Variants in TNN observed in about 807,000 individuals in gnomAD.
The protein encoded by TNN is tenascin N, also known as tenascin-N.
A neutral mutation model predicts 134.4 loss-of-function variants in TNN; 122 were observed. That is an observed-to-expected ratio of 0.91 (90% CI 0.78 to 1.06). The LOEUF is 1.06. Among genes scored for constraint, TNN ranks in the 50% least tolerant of loss-of-function variants. The pLI is 0.00. For synonymous variants in TNN, 710 were observed against 670.3 expected, an observed-to-expected ratio of 1.06 and a Z score of -0.91; for missense variants, 1,739 against 1,699.4, an observed-to-expected ratio of 1.02 and a Z score of -0.41.
chr1:175,111,778 ATT>A (rs202241032), intron 9 of TNN, among the ~76,000 whole-genome samples: 2 of 148,188 alleles, frequency 1.3e-5, no homozygotes, highest in Non-Finnish European at 3.0e-5. Context: ...TGCTTCCTTG[ATT>A]TTTTTTTTTA....
chr1:175,077,943 T>C, intron 2 of TNN, 116 bp downstream of exon 2: 1 of 1,087,870 alleles, frequency 9.2e-7, no homozygotes, highest in Non-Finnish European at 1.3e-6. Context: ...TACTTCTCAT[T>C]CTGGGTTTTC....
rs1224971860 is a variant in TNN, at chr1:175,077,293, G to C, written c.-35-91G>C. The C allele has an allele frequency of 5.1e-6, 5 of 985,596 alleles. No homozygotes were observed. In the African/African-American group the frequency reaches 8.2e-5, roughly 16 times the overall value. 61.1% of individuals were successfully genotyped at this position (985,596 alleles called of 1,614,324 possible). A position where few individuals can be genotyped will look rare whatever the true frequency, so the allele number is the denominator to read the frequency against. ...ATGAGTTCTTTCTGCTGGTTTCCCA[G>C]CTTCCTTGGGCTCTTAGAATCTGGT... On this transcript the variant is annotated intron_variant, in intron 1 of 18. Transcript: ENST00000239462.
At chr1:175,129,197 A>G (rs1275831846) in intron 15 of TNN, among the ~76,000 whole-genome samples, 1 of 152,186 alleles carries the variant, frequency 6.6e-6, no homozygotes, top group African/African-American at 2.4e-5. Flanking sequence ...TAATTACTAT[A>G]TTTTGCGAGA....
Position 175,094,253 on chromosome 1 carries a change from G to T in TNN, c.1588G>T (p.Glu530Ter), listed in dbSNP as rs1181506960. Residue 530 changes from glutamate to a stop codon, truncating the protein, a stop_gained and splice_region_variant, in exon 7 of 19, where the codon GAA (glutamate) becomes TAA (stop). Transcript: ENST00000239462. LOFTEE classifies it high-confidence loss of function. ...GAAAGCTGACACCAATGCCCTCACA[G>T]GTAACAGAAGGACGGGAGCATAAAT... The part of the protein sequence containing the change: ...SKKADTNALT[E>*]IDSPANLVTD... 1 of 1,580,698 alleles carries T rather than the reference G, an allele frequency of 6.3e-7. No individual in the cohort carries two copies. The highest frequency in any genetic ancestry group is 8.6e-7 in the Non-Finnish European group (1 of 1,159,160).
chr1:175,117,148 G>C lies in TNN; in HGVS notation c.2329G>C (p.Val777Leu), dbSNP rs147066934. The change falls in exon 10 of 19, where the codon GTG becomes CTG. Residue 777 changes from valine (V) to leucine (L), a missense_variant. Coordinates refer to ENST00000239462, the MANE Select transcript of TNN (RefSeq NM_022093.2). ...GCCGGGTGTGGAGTACACGGTGCAC[G>C]TGTGGGCCCAGAAGGGGGCCCAGGA... Reference protein sequence around the residue: ...LRPGVEYTVHVWAQKGAQESK... With the variant: ...LRPGVEYTVHLWAQKGAQESK... 14 of 1,614,162 alleles carry C rather than the reference G, an allele frequency of 8.7e-6. No homozygotes were observed. The Middle Eastern group carries it at 6.6e-4, about 76-fold the overall frequency.
At chr1:175,145,337 G>C (rs2861157) in intron 18 of TNN, among the ~76,000 whole-genome samples, 1 of 151,630 alleles carries the variant, frequency 6.6e-6, no homozygotes, top group African/African-American at 2.4e-5. Context: ...CTGATTGCTC[G>C]TGCCCAGGAA....
intron 4 of TNN, among the ~76,000 whole-genome samples, chr1:175,083,517 G>T (rs944619017): frequency 6.6e-6 from 1 of 152,144 alleles, no homozygotes; most frequent in African/African-American, 2.4e-5. Flanking sequence ...CTGATGGGAT[G>T]GGGAAGTGGA....
chr1:175,111,116 G>A (rs1322523591), intron 9 of TNN, among the ~76,000 whole-genome samples: 2 of 151,850 alleles, frequency 1.3e-5, no homozygotes, highest in Non-Finnish European at 2.9e-5. Context: ...ACAGAAGTTC[G>A]AGACCAGCCT....
chr1:175,137,535 C>T (rs76694999), intron 17 of TNN, among the ~76,000 whole-genome samples: 1 of 152,264 alleles, frequency 6.6e-6, no homozygotes, highest in Non-Finnish European at 1.5e-5. Context: ...GTGAAGGAAC[C>T]TTTAGCCTCT....
chr1:175,108,109 A>G (rs1011333465), intron 9 of TNN, among the ~76,000 whole-genome samples: 36 of 152,056 alleles, frequency 2.4e-4, no homozygotes, highest in African/African-American at 8.5e-4. Flanking sequence ...TGAGCTAGAC[A>G]TAAAGGTTCT....
intron 9 of TNN, among the ~76,000 whole-genome samples, chr1:175,108,827 G>T (rs12408316): frequency 1.5e-5 from 2 of 137,616 alleles, no homozygotes; most frequent in Non-Finnish European, 1.6e-5. Context: ...CCTGGTTCCC[G>T]CTCACGCCTC....
intron 17 of TNN, among the ~76,000 whole-genome samples, chr1:175,140,637 G>A (rs1558376326): frequency 6.6e-6 from 1 of 152,198 alleles, no homozygotes; most frequent in Non-Finnish European, 1.5e-5. Context: ...CTGCAATGAG[G>A]GGATAATTCC....
In TNN at chr1:175,077,452, G is replaced by A; in HGVS notation, c.34G>A (p.Gly12Arg). The change falls in exon 2 of 19, where the codon GGG becomes AGG. Residue 12 changes from glycine (G) to arginine (R), a missense_variant. Transcript: ENST00000239462. ...SLQEMFRFPM[G>R]LLLGSVLLVA... Reference sequence around the variant, plus strand: ...CCAGGAGATGTTCCGCTTCCCTATGGGGCTCCTGCTTGGCTCTGTGCTCCT... The same window carrying A: ...CCAGGAGATGTTCCGCTTCCCTATGAGGCTCCTGCTTGGCTCTGTGCTCCT... 6.2e-7 allele frequency: 1 copy of A among 1,613,814 alleles called. No homozygotes were observed. The highest frequency in any genetic ancestry group is 8.5e-7 in the Non-Finnish European group (1 of 1,180,000).
In TNN at chr1:175,127,879, C is replaced by T. The variant is rs144369049; in HGVS notation, c.3046-153C>T. 5.5e-3 allele frequency among the ~76,000 whole-genome samples: 842 copies of T among 152,314 alleles called. 10 individuals carry two copies. The highest frequency in any genetic ancestry group is 0.019 in the African/African-American group (789 of 41,576). ...CCAGAGAAGTGGCTGGGACCCACTG[C>T]GATTCTGGGCTGCCACTGAGGCTTC... On this transcript the variant is annotated intron_variant, in intron 13 of 18. Transcript: ENST00000239462.
rs566111194 is a variant in TNN, at chr1:175,094,162, G to T, written c.1497G>T (p.Thr499=). Residue 499 remains threonine, a synonymous_variant, in exon 7 of 19, where the codon ACG becomes ACT. Coordinates refer to ENST00000239462, the MANE Select transcript of TNN (RefSeq NM_022093.2). The part of the protein sequence containing the change: ...VHKDESSTVL[T]GLKPGEAYKV... Reference sequence around the variant, plus strand: ...AGGATGAGAGCAGCACTGTCCTGACGGGCCTGAAGCCAGGAGAGGCATACA... The same window carrying T: ...AGGATGAGAGCAGCACTGTCCTGACTGGCCTGAAGCCAGGAGAGGCATACA... The T allele has an allele frequency of 3.1e-6, 5 of 1,614,028 alleles. No homozygotes were observed. The highest frequency in any genetic ancestry group is 4.2e-6 in the Non-Finnish European group (5 of 1,180,028).
rs531231534 is a variant in TNN, at chr1:175,088,185, C to T, written c.1324+2691C>T. Reference sequence around the variant, plus strand: ...GCAACTGTGAGCGCCTCTCTCCTTCCCCTTGTTAGGGGGGTGGGTAGGTGG... The same window carrying T: ...GCAACTGTGAGCGCCTCTCTCCTTCTCCTTGTTAGGGGGGTGGGTAGGTGG... On this transcript the variant is annotated intron_variant, in intron 6 of 18. Coordinates refer to ENST00000239462, the MANE Select transcript of TNN (RefSeq NM_022093.2). Among the ~76,000 whole-genome samples, 4 of 152,258 alleles carry T rather than the reference C, an allele frequency of 2.6e-5. No homozygotes were observed. In the South Asian group the frequency reaches 8.3e-4, roughly 32 times the overall value.
At chr1:175,144,771 G>A (rs531716047) in intron 18 of TNN, among the ~76,000 whole-genome samples, 2 of 152,348 alleles carry the variant, frequency 1.3e-5, no homozygotes, top group African/African-American at 4.8e-5. Context: ...CACTTGCCTA[G>A]GGGAAGGTGC....
chr1:175,095,350 C>T (rs1674543732), intron 7 of TNN, among the ~76,000 whole-genome samples: 1 of 152,174 alleles, frequency 6.6e-6, no homozygotes, highest in Non-Finnish European at 1.5e-5. Context: ...AATTACTTAA[C>T]TCTGCCATTG....
At chr1:175,070,388 C>G (rs1673887627) in intron 1 of TNN, among the ~76,000 whole-genome samples, 1 of 152,290 alleles carries the variant, frequency 6.6e-6, no homozygotes, top group Non-Finnish European at 1.5e-5. Flanking sequence ...GGTCAGGACA[C>G]CATCCTTGAT....
Sources: allele counts gnomAD v4.1 joint callset (sites outside exome capture counted in the v4.1 genomes callset), GRCh38; gene constraint gnomAD v4.1.1; transcripts MANE v1.5; gene names NCBI Gene and HGNC (gene_info 2026-07-23, HGNC 2026-07-21).